The following PPARG variants were observed in gnomAD, a reference collection of about 807,000 sequenced individuals.
PPARG encodes the protein peroxisome proliferator activated receptor gamma, also known as peroxisome proliferator-activated receptor gamma.
In PPARG, 17 loss-of-function variants were observed where a neutral mutation model predicts 39.2. The ratio of observed to expected loss-of-function variants is 0.43; its 90% CI spans 0.30 to 0.65. The LOEUF is 0.65. Among genes scored for constraint, PPARG ranks in the 30% least tolerant of loss-of-function variants. PPARG has a pLI of 0.13. For missense variants in PPARG, 406 were observed against 585.9 expected, an observed-to-expected ratio of 0.69 and a Z score of 3.17; for synonymous variants, 223 against 215.7, an observed-to-expected ratio of 1.03 and a Z score of -0.30.
At position 12,433,891 on chromosome 3, in the gene PPARG, TC is replaced by T. The variant is rs1179067114; in HGVS notation, c.1181-3del. 1 of 1,613,980 alleles carries T rather than the reference TC, an allele frequency of 6.2e-7. No individual in the cohort carries two copies. The highest frequency in any genetic ancestry group is 1.3e-5 in the African/African-American group (1 of 75,040). ...CCCTGTTGTGTTTTCCATATGTGCT[TC>T]CCCAGACCGCCCAGGTTTGCTGAAT... On this transcript the variant is annotated splice_region_variant and splice_polypyrimidine_tract_variant and intron_variant, in intron 7 of 7. Coordinates refer to ENST00000651735, the MANE Select transcript of PPARG (RefSeq NM_138711.6).
intron 2 of PPARG, chr3:12,351,473 C>G (rs1318438406): frequency 2.2e-5 from 17 of 760,140 alleles, no homozygotes; most frequent in Non-Finnish European, 3.7e-5. Flanking sequence ...GATGTCTTGA[C>G]TCATGGGTGT....
At chr3:12,350,580 T>C (rs1342008147) in intron 2 of PPARG, among the ~76,000 whole-genome samples, 1 of 152,182 alleles carries the variant, frequency 6.6e-6, no homozygotes, top group Non-Finnish European at 1.5e-5. Context: ...TGCTCCCACA[T>C]CGGTAATTTG....
chr3:12,341,407 T>C (rs932429044), intron 2 of PPARG, among the ~76,000 whole-genome samples: 10 of 152,186 alleles, frequency 6.6e-5, no homozygotes, highest in African/African-American at 2.4e-4. Context: ...ATTTACCTTT[T>C]TAATAAAAGA....
rs989970556 is a variant in PPARG, at chr3:12,357,591, A to G, written c.-8-22113A>G. Among the ~76,000 whole-genome samples, 6 of 152,164 alleles carry G rather than the reference A, an allele frequency of 3.9e-5. No homozygotes were observed. The South Asian group carries it at 8.3e-4, about 21-fold the overall frequency. On this transcript the variant is annotated intron_variant, in intron 2 of 7. Transcript: ENST00000651735. ...AGCATTTATCGTCTTCTAACATGCC[A>G]TGTAATTTATTGGTGGATTCTATGT...
At chr3:12,307,555 G>A (rs961799213) in intron 1 of PPARG, among the ~76,000 whole-genome samples, 5 of 152,202 alleles carry the variant, frequency 3.3e-5, no homozygotes, top group African/African-American at 1.2e-4. Flanking sequence ...GATTTGGGTT[G>A]ATAGACATAA....
rs567971512 is a variant in PPARG, at chr3:12,322,241, G to A, written c.-9+9788G>A. Among the ~76,000 whole-genome samples, 8 of 152,262 alleles carry A rather than the reference G, an allele frequency of 5.3e-5. 1 individual carries two copies. The East Asian group carries it at 9.6e-4, about 18-fold the overall frequency. On this transcript the variant is annotated intron_variant, in intron 2 of 7. Coordinates refer to ENST00000651735, the MANE Select transcript of PPARG (RefSeq NM_138711.6). The stretch of plus-strand genomic sequence containing the variant: ...CTAGCGCTTTTTAGCTTTCTTTAGC[G>A]TTTGAAGCAGGGCTTCTAAGTCACA...
rs1056116910 is a variant in PPARG at position 12,316,007 on chromosome 3, G to A, written c.-9+3554G>A. Among the ~76,000 whole-genome samples, 10 of 152,162 alleles carry A rather than the reference G, an allele frequency of 6.6e-5. No individual in the cohort carries two copies. In the East Asian group the frequency reaches 7.7e-4, roughly 12 times the overall value. On this transcript the variant is annotated intron_variant, in intron 2 of 7. Coordinates refer to ENST00000651735, the MANE Select transcript of PPARG (RefSeq NM_138711.6). Reference sequence around the variant, plus strand: ...AATGGGAAGAGGAGAGAAGCAGACCGTATTGTTTCTAGGCAAAATGTCTGG... The same window carrying A: ...AATGGGAAGAGGAGAGAAGCAGACCATATTGTTTCTAGGCAAAATGTCTGG...
intron 4 of PPARG, among the ~76,000 whole-genome samples, chr3:12,388,921 G>A (rs1212777123): frequency 1.3e-5 from 2 of 152,104 alleles, no homozygotes; most frequent in African/African-American, 2.4e-5. Flanking sequence ...ATAGCTTACT[G>A]GACACAGCAG....
At chr3:12,411,847 AC>A (rs2050890244) in intron 6 of PPARG, among the ~76,000 whole-genome samples, 1 of 152,286 alleles carries the variant, frequency 6.6e-6, no homozygotes, top group African/African-American at 2.4e-5. Flanking sequence ...ACCGAGGAGA[AC>A]CAGGTGTGTC....
chr3:12,398,322 A>G (rs888296582), intron 5 of PPARG, among the ~76,000 whole-genome samples: 1 of 152,216 alleles, frequency 6.6e-6, no homozygotes, highest in Non-Finnish European at 1.5e-5. Context: ...CAATGAATAA[A>G]AGCGCCTGAA....
At chr3:12,332,799 G>A (rs2047898605) in intron 2 of PPARG, among the ~76,000 whole-genome samples, 1 of 152,224 alleles carries the variant, frequency 6.6e-6, no homozygotes, top group South Asian at 2.1e-4. Flanking sequence ...GGGAGACCAA[G>A]GTGGGAGGAT....
chr3:12,353,410 C>T (rs1374414243), intron 2 of PPARG, among the ~76,000 whole-genome samples: 2 of 152,120 alleles, frequency 1.3e-5, no homozygotes, highest in African/African-American at 2.4e-5. Flanking sequence ...AATAATTACT[C>T]CACCTCTTCC....
chr3:12,323,912 G>T (rs553836441), intron 2 of PPARG, among the ~76,000 whole-genome samples: 1 of 152,298 alleles, frequency 6.6e-6, no homozygotes, highest in Admixed American at 6.5e-5. Context: ...TTTGGGCAGC[G>T]AGTAGGACAG....
At chr3:12,308,260 CTT>C (rs371173991) in intron 1 of PPARG, among the ~76,000 whole-genome samples, 32 of 145,434 alleles carry the variant, frequency 2.2e-4, no homozygotes, top group African/African-American at 8.1e-4. Context: ...GAGAGCATCA[CTT>C]GAGCCTGGGT....
chr3:12,406,160 C>T, intron 6 of PPARG, 79 bp downstream of exon 6: 2 of 1,345,828 alleles, frequency 1.5e-6, no homozygotes, highest in Non-Finnish European at 2.1e-6. Flanking sequence ...AAATGGTTTA[C>T]TGCGCTACAA....
chr3:12,423,778 G>A (rs1266575186), intron 7 of PPARG, among the ~76,000 whole-genome samples: 5 of 152,200 alleles, frequency 3.3e-5, no homozygotes, highest in African/African-American at 1.2e-4. Flanking sequence ...GGACAAGACA[G>A]GCTGGTGCCT....
At position 12,298,324 on chromosome 3, in the gene PPARG, A is replaced by AAAAAAAAAAAAAAG. The variant is rs764771478; in HGVS notation, c.-83+9193_-83+9194insAAAAAAAAAAGAAA. 1.3e-4 allele frequency among the ~76,000 whole-genome samples: 17 copies of AAAAAAAAAAAAAAG among 134,720 alleles called. 2 individuals are homozygous for AAAAAAAAAAAAAAG. Among genetic ancestry groups the AAAAAAAAAAAAAAG allele is most frequent in the Non-Finnish European group, 1.8e-4 (11 of 61,302 alleles). 88.4% of individuals were successfully genotyped at this position (134,720 alleles called of 152,430 possible). A position where few individuals can be genotyped will look rare whatever the true frequency, so the allele number is the denominator to read the frequency against. On this transcript the variant is annotated intron_variant, in intron 1 of 7. Coordinates refer to ENST00000651735, the MANE Select transcript of PPARG (RefSeq NM_138711.6). ...AAAAAAAAAAAAAAAAAAAAAAAAAAAAAGAAATGTAAAATAGCAAGCGAG... is the reference window on the plus strand; with the variant it reads ...AAAAAAAAAAAAAAAAAAAAAAAAAAAAAAAAAAAAAAAGAAAGAAATGTAAAATAGCAAGCGAG...
chr3:12,390,765 C>A (rs370205599), intron 4 of PPARG, among the ~76,000 whole-genome samples: 2 of 150,248 alleles, frequency 1.3e-5, no homozygotes, highest in African/African-American at 4.9e-5. Context: ...CCATCTCAGC[C>A]GCCAGAGTAG....
chr3:12,342,034 A>G (rs1186963288), intron 2 of PPARG, among the ~76,000 whole-genome samples: 1 of 152,160 alleles, frequency 6.6e-6, no homozygotes, highest in African/African-American at 2.4e-5. Context: ...GAGATGAGAC[A>G]TATCACCATT....
Sources: allele counts gnomAD v4.1 joint callset (sites outside exome capture counted in the v4.1 genomes callset), GRCh38; gene constraint gnomAD v4.1.1; transcripts MANE v1.5; gene names NCBI Gene and HGNC (gene_info 2026-07-23, HGNC 2026-07-21).